CIMIP2B: variants seen among roughly 807,000 people sequenced by gnomAD.
CIMIP2B encodes ciliary microtubule inner protein 2B, also known as family with sequence similarity 166 member B.
the CIMIP2B span, among the ~76,000 whole-genome samples, chr9:35,563,540 TC>T: frequency 6.6e-6 from 1 of 152,188 alleles, no homozygotes; most frequent in Admixed American, 6.5e-5. Context: ...GGGCTTTCGA[TC>T]CTTCCTCTGC....
At chr9:35,563,049 G>C in the CIMIP2B span, 1 of 1,613,958 alleles carries the variant, frequency 6.2e-7, no homozygotes, top group Non-Finnish European at 8.5e-7. Flanking sequence ...TGCAGTTCTT[G>C]GCAAAGATGA....
the CIMIP2B span, chr9:35,562,737 C>T: frequency 6.2e-7 from 1 of 1,613,080 alleles, no homozygotes. Flanking sequence ...CACAATCTCC[C>T]AAGGAGGTGG....
chr9:35,562,069 ATGTGTGGCCAAACTGGAACTTATACCC>A, the CIMIP2B span: 25 of 1,535,316 alleles, frequency 1.6e-5, no homozygotes, highest in African/African-American at 2.1e-4. Flanking sequence ...AGATGGCCAA[ATGTGTGGCCAAACTGGAACTTATACCC>A]TGTGTGGCCA....
chr9:35,561,836 T>TTATG, the CIMIP2B span: 1 of 615,846 alleles, frequency 1.6e-6, no homozygotes, highest in East Asian at 2.9e-5. Context: ...AGGCGTCTGT[T>TTATG]TATGTATTTA....
chr9:35,561,938 C>CAA, the CIMIP2B span: 1 of 417,942 alleles, frequency 2.4e-6, no homozygotes, highest in Admixed American at 3.2e-5. Context: ...CCCTCCCACC[C>CAA]ACCTCTCTCC....
chr9:35,563,069 G>A, the CIMIP2B span: 78 of 1,613,794 alleles, frequency 4.8e-5, no homozygotes, highest in Middle Eastern at 3.3e-4. Flanking sequence ...AACTGTGCCC[G>A]GGGTACAAAA....
the CIMIP2B span, chr9:35,563,367 G>T: frequency 6.2e-7 from 1 of 1,612,930 alleles, no homozygotes; most frequent in East Asian, 2.2e-5. Context: ...CTGAACCGAA[G>T]TAGTGGGCAG....
chr9:35,563,173 C>T, the CIMIP2B span: 1 of 1,614,010 alleles, frequency 6.2e-7, no homozygotes, highest in Non-Finnish European at 8.5e-7. Context: ...AACCTGTGTA[C>T]CCAGGGATCA....
chr9:35,562,714 CCCT>C, the CIMIP2B span: 1 of 1,613,580 alleles, frequency 6.2e-7, no homozygotes. Context: ...TGAGAGAAGC[CCCT>C]GTGCTGTCAC....
chr9:35,563,652 C>CCT, the CIMIP2B span: 2 of 949,390 alleles, frequency 2.1e-6, no homozygotes, highest in Non-Finnish European at 3.3e-6. Context: ...ACCATAGAGA[C>CCT]CTCAGCCTCC....
At chr9:35,562,423 AG>A in the CIMIP2B span, 1 of 1,544,860 alleles carries the variant, frequency 6.5e-7, no homozygotes. Flanking sequence ...CCAGGTTCTG[AG>A]GGTATGTTCT....
At chr9:35,562,962 C>T in the CIMIP2B span, 1 of 1,614,032 alleles carries the variant, frequency 6.2e-7, no homozygotes, top group Non-Finnish European at 8.5e-7. Context: ...TTCCCTTGGC[C>T]TCCTTTGGTA....
At chr9:35,563,101 A>G in the CIMIP2B span, 2 of 1,613,670 alleles carry the variant, frequency 1.2e-6, no homozygotes, top group Non-Finnish European at 1.7e-6. Context: ...AGGGACAAGG[A>G]AGACTCGTTA....
the CIMIP2B span, chr9:35,562,427 T>G: frequency 6.4e-7 from 1 of 1,553,500 alleles, no homozygotes; most frequent in Non-Finnish European, 8.7e-7. Context: ...GTTCTGAGGG[T>G]ATGTTCTGGG....
At chr9:35,562,381 T>G in the CIMIP2B span, 1 of 1,455,754 alleles carries the variant, frequency 6.9e-7, no homozygotes. Context: ...TCTTCTCACC[T>G]GGCACGTAGC....
the CIMIP2B span, chr9:35,562,517 A>G: frequency 6.3e-7 from 1 of 1,575,278 alleles, no homozygotes; most frequent in East Asian, 2.3e-5. Context: ...CTGGTTGGTG[A>G]GCACAGGAAA....
chr9:35,563,086 C>G, the CIMIP2B span: 5 of 1,613,692 alleles, frequency 3.1e-6, no homozygotes, highest in Admixed American at 3.3e-5. Context: ...AAAACCTGGG[C>G]AGGCAGGGAC....
chr9:35,562,104 C>A, the CIMIP2B span: 1 of 1,520,402 alleles, frequency 6.6e-7, no homozygotes, highest in South Asian at 1.2e-5. Context: ...CCCTGTGTGG[C>A]CAAGAGAGTC....
At chr9:35,562,611 C>T in the CIMIP2B span, 1 of 1,610,990 alleles carries the variant, frequency 6.2e-7, no homozygotes, top group South Asian at 1.1e-5. Context: ...CATCCTGGGG[C>T]CTCCCCACGC....
Sources: gnomAD v4.1 joint callset for allele counts (sites outside exome capture counted in the v4.1 genomes callset) on GRCh38, gnomAD v4.1.1 for gene constraint, MANE v1.5 for transcripts, NCBI Gene and HGNC (gene_info 2026-07-23, HGNC 2026-07-21) for gene names.